SMAD4: variants seen among roughly 807,000 people sequenced by gnomAD.
SMAD4 encodes the protein SMAD family member 4, also known as MAD homolog 4.
In SMAD4, 7 loss-of-function variants were observed where a neutral mutation model predicts 63.2. The ratio of observed to expected loss-of-function variants is 0.11; its 90% CI spans 0.06 to 0.21. SMAD4 has a LOEUF of 0.21. Among genes scored for constraint, SMAD4 ranks in the 10% least tolerant of loss-of-function variants. The probability of loss-of-function intolerance (pLI) is 1.00; values close to 1 mark genes in which losing one functional copy is unlikely to be tolerated. For synonymous variants in SMAD4, 215 were observed against 235.4 expected (o/e 0.91, Z 0.79); for missense variants, 312 against 693.8 (o/e 0.45, Z 6.18).
intron 4 of SMAD4, 74 bp from the exon 5 acceptor site, chr18:51,054,707 A>T: frequency 2.1e-6 from 2 of 954,418 alleles, no homozygotes; most frequent in Non-Finnish European, 3.3e-6. Context: ...TTATTATATT[A>T]CTTGCTAATA....
chr18:51,078,492 A>G lies in SMAD4; in HGVS notation c.*25A>G. On this transcript the variant is annotated 3_prime_UTR_variant, in exon 12 of 12. Transcript: ENST00000342988. ...AGGTCTTTTACCGTTGGGGCCCTTA[A>G]CCTTATCAGGATGGTGGACTACAAA... 1 of 1,499,666 alleles carries G rather than the reference A, an allele frequency of 6.7e-7. No individual in the cohort carries two copies. The highest frequency in any genetic ancestry group is 1.1e-5 in the South Asian group (1 of 88,630). 92.9% of individuals were successfully genotyped at this position (1,499,666 alleles called of 1,614,324 possible).
chr18:51,060,010 C>T, intron 8 of SMAD4, 94 bp downstream of exon 8: 2 of 919,950 alleles, frequency 2.2e-6, no homozygotes, highest in South Asian at 1.3e-5. Context: ...TATGGGGTCA[C>T]TTCTCAGATG....
rs1910122147 is a variant in SMAD4 at position 51,065,504 on chromosome 18, C to G, written c.1037C>G (p.Pro346Arg). ...GETFKVPSSC[P>R]IVTVDGYVDP... is the part of the protein sequence containing the mutation. Reference sequence around the variant, plus strand: ...ACATTTAAGGTTCCTTCAAGCTGCCCTATTGTTACTGTTGATGGATACGTG... The same window carrying G: ...ACATTTAAGGTTCCTTCAAGCTGCCGTATTGTTACTGTTGATGGATACGTG... The change falls in exon 9 of 12, where the codon CCT (proline) becomes CGT (arginine). Residue 346 changes from proline (P) to arginine (R), a missense_variant. By Grantham distance (103) the Pro-to-Arg change is moderately radical. Coordinates refer to ENST00000342988, the MANE Select transcript of SMAD4 (RefSeq NM_005359.6). 1 of 1,614,068 alleles carries G rather than the reference C, an allele frequency of 6.2e-7. No individual in the cohort carries two copies. Among genetic ancestry groups the G allele is most frequent in the Non-Finnish European group, 8.5e-7 (1 of 1,179,946 alleles).
intron 9 of SMAD4, 60 bp downstream of exon 9, chr18:51,065,666 A>G: frequency 7.4e-7 from 1 of 1,352,522 alleles, no homozygotes; most frequent in Non-Finnish European, 1.0e-6. Flanking sequence ...ATTGTCTTTT[A>G]TTCAAGGTTA....
chr18:51,076,676 G>T lies in SMAD4; in HGVS notation c.1347G>T (p.Gln449His). 1 of 1,613,860 alleles carries T rather than the reference G, an allele frequency of 6.2e-7. No individual in the cohort carries two copies. The highest frequency in any genetic ancestry group is 8.5e-7 in the Non-Finnish European group (1 of 1,179,762). Residue 449 changes from glutamine (Q) to histidine (H), a missense_variant, in exon 11 of 12, where the codon CAG becomes CAT. By Grantham distance (24) the Gln-to-His change is conservative. Coordinates refer to ENST00000342988, the MANE Select transcript of SMAD4 (RefSeq NM_005359.6). ...GTCAGTGTCATCGACAGATGCAGCAGCAGGCGGCTACTGCACAAGCTGCAG... is the reference window on the plus strand; with the variant it reads ...GTCAGTGTCATCGACAGATGCAGCATCAGGCGGCTACTGCACAAGCTGCAG... ...DLRQCHRQMQ[Q>H]QAATAQAAAA...
chr18:51,031,904 A>G (rs1156897549), intron 1 of SMAD4, among the ~76,000 whole-genome samples: 3 of 152,168 alleles, frequency 2.0e-5, no homozygotes, highest in Admixed American at 6.5e-5. Flanking sequence ...TTTTAATGCT[A>G]AGGACTTACT....
chr18:51,063,479 C>T (rs543589734), intron 8 of SMAD4, among the ~76,000 whole-genome samples: 4 of 152,246 alleles, frequency 2.6e-5, no homozygotes, highest in Admixed American at 6.5e-5. Flanking sequence ...GTGGCACTCT[C>T]ATGGCCCACT....
chr18:51,083,317 T>C lies in SMAD4; in HGVS notation c.*4850T>C, dbSNP rs1182697843. 1.8e-5 allele frequency: 4 copies of C among 227,808 alleles called. No homozygotes were observed. In the East Asian group the frequency reaches 2.5e-4, roughly 14 times the overall value. 14.1% of individuals were successfully genotyped at this position (227,808 alleles called of 1,614,324 possible). On this transcript the variant is annotated 3_prime_UTR_variant, in exon 12 of 12. Transcript: ENST00000342988. ...CCTTCTGGCCTTACTCCTGTACAGA[T>C]ATTTTTGACCTATAGGTGCCTTTAT... is the stretch of plus-strand genomic sequence containing the variant.
At chr18:51,077,591 G>C (rs527379737) in intron 11 of SMAD4, among the ~76,000 whole-genome samples, 1 of 152,270 alleles carries the variant, frequency 6.6e-6, no homozygotes, top group Admixed American at 6.5e-5. Context: ...CTTATGTTCA[G>C]GAGTTTACAA....
intron 5 of SMAD4, among the ~76,000 whole-genome samples, chr18:51,056,338 G>C (rs1909843418): frequency 6.6e-6 from 1 of 152,070 alleles, no homozygotes; most frequent in Non-Finnish European, 1.5e-5. Flanking sequence ...TGTTTCCTGA[G>C]GTTGAATCCT....
intron 7 of SMAD4, among the ~76,000 whole-genome samples, chr18:51,058,808 C>G (rs1237319580): frequency 6.6e-6 from 1 of 152,144 alleles, no homozygotes; most frequent in Non-Finnish European, 1.5e-5. Flanking sequence ...GCTAAGTTCT[C>G]AAGGTTTCCC....
intron 3 of SMAD4, 114 bp downstream of exon 3, chr18:51,048,974 A>C (rs1295870964): frequency 1.1e-6 from 1 of 886,878 alleles, no homozygotes; most frequent in Non-Finnish European, 1.8e-6. Flanking sequence ...ACTTTAAATA[A>C]GGTTAAAGAA....
In SMAD4 at chr18:51,038,927, C is replaced by T. The variant is rs149638838; in HGVS notation, c.-127-7993C>T. ...TAAAGGTCCAACTTGGCCAACATGA[C>T]GAAACCCTTTCTCTACTAAACATAC... On this transcript the variant is annotated intron_variant, in intron 1 of 11. Transcript: ENST00000342988. Among the ~76,000 whole-genome samples the T allele has an allele frequency of 7.3e-3, 1,106 of 152,188 alleles. 6 individuals are homozygous for T. The highest frequency in any genetic ancestry group is 9.6e-3 in the Non-Finnish European group (652 of 68,004).
Position 51,082,715 on chromosome 18 carries a change from A to G in SMAD4, c.*4248A>G, listed in dbSNP as rs1354296548. ...CTTTACTAAATGGTCTGAGACAGCT[A>G]TGGTTTTGAATTTTTAGTTTTTTTT... is the stretch of plus-strand genomic sequence containing the variant. On this transcript the variant is annotated 3_prime_UTR_variant, in exon 12 of 12. Transcript: ENST00000342988. 11 of 229,772 alleles carry G rather than the reference A, an allele frequency of 4.8e-5. No homozygotes were observed. The South Asian group carries it at 9.1e-4, about 19-fold the overall frequency. The allele number at this position is 229,772 out of a possible 1,614,324, so 14.2% of individuals were successfully genotyped here. A position where few individuals can be genotyped will look rare whatever the true frequency, so the allele number is the denominator to read the frequency against.
rs2144419610 is a variant in SMAD4, at chr18:51,054,980, T to C, written c.654T>C (p.Pro218=). The change falls in exon 5 of 12, where the codon CCT becomes CCC. Residue 218 remains proline, a synonymous_variant. Transcript: ENST00000342988. The part of the protein sequence containing the change: ...ATSTANFPNI[P]VASTSQPASI... ...GCACTGCCAACTTTCCCAACATTCC[T>C]GTGGCTTCCACAAGTGAGTTCTAGA... The C allele has an allele frequency of 6.2e-7, 1 of 1,613,552 alleles. No homozygotes were observed. Among genetic ancestry groups the C allele is most frequent in the South Asian group, 1.1e-5 (1 of 91,076 alleles).
intron 9 of SMAD4, among the ~76,000 whole-genome samples, chr18:51,066,217 A>C (rs963108312): frequency 6.6e-6 from 1 of 151,670 alleles, no homozygotes. Flanking sequence ...GGTGGTGTCC[A>C]CCTGTAATCC....
At chr18:51,035,719 ACTT>A (rs1309788318) in intron 1 of SMAD4, among the ~76,000 whole-genome samples, 2 of 152,186 alleles carry the variant, frequency 1.3e-5, no homozygotes. Context: ...GCTAGCTAGT[ACTT>A]CTGTAGAGAT....
Position 51,083,153 on chromosome 18 carries a change from A to G in SMAD4, c.*4686A>G, listed in dbSNP as rs185468281. ...TGCTCTTACAAAAACTGGGGTTACA[A>G]GGGTTACTAAATTAGCATCAGTAGC... On this transcript the variant is annotated 3_prime_UTR_variant, in exon 12 of 12. Coordinates refer to ENST00000342988, the MANE Select transcript of SMAD4 (RefSeq NM_005359.6). 5.7e-5 allele frequency: 13 copies of G among 226,276 alleles called. No individual in the cohort carries two copies. Among genetic ancestry groups the G allele is most frequent in the African/African-American group, 2.2e-4 (10 of 45,106 alleles). 14.0% of individuals were successfully genotyped at this position (226,276 alleles called of 1,614,324 possible).
In SMAD4 at chr18:51,079,031, A is replaced by G. The variant is rs1391878028; in HGVS notation, c.*564A>G. 2 of 233,504 alleles carry G rather than the reference A, an allele frequency of 8.6e-6. No homozygotes were observed. The highest frequency in any genetic ancestry group is 8.5e-6 in the Non-Finnish European group (1 of 118,044). The allele number at this position is 233,504 out of a possible 1,614,324, so 14.5% of individuals were successfully genotyped here. A position where few individuals can be genotyped will look rare whatever the true frequency, so the allele number is the denominator to read the frequency against. On this transcript the variant is annotated 3_prime_UTR_variant, in exon 12 of 12. Coordinates refer to ENST00000342988, the MANE Select transcript of SMAD4 (RefSeq NM_005359.6). ...TCTTTCATCCAAAATATTTTTTGCA[A>G]GTTATATTAGTGAAGATGGTTTCAA...
Sources: allele counts gnomAD v4.1 joint callset (sites outside exome capture counted in the v4.1 genomes callset), GRCh38; gene constraint gnomAD v4.1.1; transcripts MANE v1.5; gene names NCBI Gene and HGNC (gene_info 2026-07-23, HGNC 2026-07-21).